OARD1: variants seen among roughly 807,000 people sequenced by gnomAD.
OARD1 encodes the protein ADP-ribose glycohydrolase OARD1.
A neutral mutation model predicts 19.7 loss-of-function variants in OARD1; 19 were observed. That is an observed-to-expected ratio of 0.96 (90% confidence interval 0.67 to 1.41). OARD1 has a LOEUF of 1.41. Ranked by LOEUF, OARD1 falls within the 40% of genes most tolerant of loss-of-function variation. The probability of loss-of-function intolerance (pLI) is 0.00; values close to 1 mark genes in which losing one functional copy is unlikely to be tolerated. For synonymous variants in OARD1, 70 were observed against 61.8 expected (o/e 1.13, Z -0.62); for missense variants, 190 against 183.8 (o/e 1.03, Z -0.20).
chr6:41,064,860 T>C lies in OARD1; in HGVS notation c.*2475A>G, dbSNP rs1262839414. On this transcript the variant is annotated 3_prime_UTR_variant, in exon 6 of 6. Transcript: ENST00000424266. ...GTTCAGATATACAATCATTTAAAAG[T>C]ATTCAATACATGGTGTTTGATGGTA... 6.6e-6 allele frequency: 1 copy of C among 152,154 alleles called. No individual in the cohort carries two copies. The highest frequency in any genetic ancestry group is 1.5e-5 in the Non-Finnish European group (1 of 68,036). The allele number at this position is 152,154 out of a possible 1,614,324, so 9.4% of individuals were successfully genotyped here. A position where few individuals can be genotyped will look rare whatever the true frequency, so the allele number is the denominator to read the frequency against.
chr6:41,088,445 ATTTAT>A (rs1166103851), intron 1 of OARD1, among the ~76,000 whole-genome samples: 1 of 149,930 alleles, frequency 6.7e-6, no homozygotes, highest in African/African-American at 2.5e-5. Flanking sequence ...AAAAAAAAAA[ATTTAT>A]TTTATAGTTT....
chr6:41,083,061 A>G (rs1422158202), intron 1 of OARD1, among the ~76,000 whole-genome samples: 1 of 152,236 alleles, frequency 6.6e-6, no homozygotes, highest in Non-Finnish European at 1.5e-5. Flanking sequence ...TCAGTCATGA[A>G]TATTCTGTTC....
At chr6:41,087,901 G>A (rs1400971301) in intron 1 of OARD1, among the ~76,000 whole-genome samples, 3 of 152,086 alleles carry the variant, frequency 2.0e-5, no homozygotes, top group Admixed American at 6.5e-5. Flanking sequence ...AGATAGATTT[G>A]GATAGCACAC....
chr6:41,096,827 C>T (rs1196709753), intron 1 of OARD1, among the ~76,000 whole-genome samples: 1 of 152,224 alleles, frequency 6.6e-6, no homozygotes, highest in Non-Finnish European at 1.5e-5. Flanking sequence ...TTAGCCCTTG[C>T]TGGACTCCTA....
intron 1 of OARD1, chr6:41,071,890 T>C (rs1763434081): frequency 8.2e-6 from 4 of 486,778 alleles, no homozygotes; most frequent in Non-Finnish European, 1.5e-5. Flanking sequence ...CATTTCGTGC[T>C]TTCCTGGAGC....
chr6:41,091,488 T>C (rs1198937727), intron 1 of OARD1: 1 of 1,599,292 alleles, frequency 6.3e-7, no homozygotes. Context: ...CTGTTCTGTG[T>C]GCCTGTTTTT....
At chr6:41,093,133 C>T (rs766092230) in intron 1 of OARD1, 3 of 1,532,338 alleles carry the variant, frequency 2.0e-6, no homozygotes, top group Non-Finnish European at 2.7e-6. Flanking sequence ...TAGCAGGGTT[C>T]TACTTTTGAA....
chr6:41,085,252 G>A (rs965116630), intron 1 of OARD1, among the ~76,000 whole-genome samples: 9 of 152,096 alleles, frequency 5.9e-5, no homozygotes, highest in African/African-American at 2.2e-4. Context: ...TCAATAGTAG[G>A]GGGAAATTAC....
At chr6:41,094,498 G>A in intron 1 of OARD1, 1 of 1,610,430 alleles carries the variant, frequency 6.2e-7, no homozygotes, top group African/African-American at 1.3e-5. Context: ...CCATATGCAG[G>A]TAGGAAGACA....
At position 41,071,308 on chromosome 6, in the gene OARD1, T is replaced by G. The variant is rs749106155; in HGVS notation, c.40-32A>C. The G allele has an allele frequency of 5.6e-6, 9 of 1,602,816 alleles. No homozygotes were observed. The South Asian group carries it at 8.8e-5, about 16-fold the overall frequency. On this transcript the variant is annotated intron_variant, in intron 2 of 5. Coordinates refer to ENST00000424266, the MANE Select transcript of OARD1 (RefSeq NM_001329686.2). ...AATGTGCAAAGGAAAAGACAATGTT[T>G]TATTAGATACAGTAAAATACTAAGC... is the stretch of plus-strand genomic sequence containing the variant.
rs186223556 is a variant in OARD1 at position 41,064,881 on chromosome 6, T to G, written c.*2454A>C. On this transcript the variant is annotated 3_prime_UTR_variant, in exon 6 of 6. Coordinates refer to ENST00000424266, the MANE Select transcript of OARD1 (RefSeq NM_001329686.2). ...AAAGTATTCAATACATGGTGTTTGATGGTAATGGCAGGATGATGTCAAGTC... is the reference window on the plus strand; with the variant it reads ...AAAGTATTCAATACATGGTGTTTGAGGGTAATGGCAGGATGATGTCAAGTC... 1 of 152,012 alleles carries G rather than the reference T, an allele frequency of 6.6e-6. No homozygotes were observed. Among genetic ancestry groups the G allele is most frequent in the African/African-American group, 2.4e-5 (1 of 41,364 alleles). 9.4% of individuals were successfully genotyped at this position (152,012 alleles called of 1,614,324 possible).
intron 1 of OARD1, among the ~76,000 whole-genome samples, chr6:41,092,493 T>C (rs867731666): frequency 6.6e-6 from 1 of 152,264 alleles, no homozygotes; most frequent in Non-Finnish European, 1.5e-5. Context: ...TACAGTGTTT[T>C]GGTGTTTTTT....
At chr6:41,071,425 A>T in intron 2 of OARD1, 149 bp from the exon 3 acceptor site, 1 of 989,886 alleles carries the variant, frequency 1.0e-6, no homozygotes, top group Non-Finnish European at 1.5e-6. Flanking sequence ...CAGCATGTGT[A>T]AAAGGAAAGT....
intron 1 of OARD1, among the ~76,000 whole-genome samples, chr6:41,094,181 A>G (rs777335832): frequency 6.6e-6 from 1 of 152,186 alleles, no homozygotes; most frequent in Non-Finnish European, 1.5e-5. Flanking sequence ...AATTCATACT[A>G]TAAGCATTCA....
chr6:41,079,116 T>G (rs1255320669), intron 1 of OARD1: 14 of 1,613,982 alleles, frequency 8.7e-6, no homozygotes, highest in Non-Finnish European at 1.2e-5. Flanking sequence ...CAAACAGCAA[T>G]AGTTCGACAG....
In OARD1 at chr6:41,070,117, C is replaced by T. The variant is rs1763253744; in HGVS notation, c.202G>A (p.Val68Met). Residue 68 changes from valine to methionine, a missense_variant, in exon 4 of 6, where the codon GTG (valine) becomes ATG (methionine). Transcript: ENST00000424266. ...LLNQQKKSGE[V>M]AVLKRDGRYI... The stretch of plus-strand genomic sequence containing the variant: ...CGCCCATCTCTCTTCAGAACAGCCA[C>T]TTCTCCAGATTTCTTTTCTAAGAAA... 1.3e-6 allele frequency: 2 copies of T among 1,580,894 alleles called. No homozygotes were observed. Among genetic ancestry groups the T allele is most frequent in the South Asian group, 1.1e-5 (1 of 88,366 alleles).
intron 5 of OARD1, among the ~76,000 whole-genome samples, chr6:41,067,978 C>T (rs538440199): frequency 6.7e-6 from 1 of 149,836 alleles, no homozygotes; most frequent in South Asian, 2.1e-4. Context: ...CTACTTGGCA[C>T]CTTCCAAGAT....
intron 3 of OARD1, 198 bp downstream of exon 3, chr6:41,070,933 AG>A: frequency 1.6e-6 from 1 of 621,076 alleles, no homozygotes; most frequent in Non-Finnish European, 2.8e-6. Flanking sequence ...ATGATACAAG[AG>A]GAAGAGATTA....
chr6:41,086,137 C>T (rs917417188), intron 1 of OARD1, among the ~76,000 whole-genome samples: 3 of 152,184 alleles, frequency 2.0e-5, no homozygotes, highest in Non-Finnish European at 2.9e-5. Context: ...CCCCTTGCTG[C>T]GCCTTCTCCA....
Sources: gnomAD v4.1 joint callset for allele counts (sites outside exome capture counted in the v4.1 genomes callset) on GRCh38, gnomAD v4.1.1 for gene constraint, MANE v1.5 for transcripts, NCBI Gene and HGNC (gene_info 2026-07-23, HGNC 2026-07-21) for gene names.